Variants in DCP1B observed in about 807,000 individuals in gnomAD.
The protein encoded by DCP1B is mRNA-decapping enzyme 1B.
In DCP1B, 47 loss-of-function variants were observed where a neutral mutation model predicts 60.5. That is an observed-to-expected ratio of 0.78 (90% CI 0.61 to 0.99). DCP1B has a LOEUF of 0.99. Ranked by LOEUF, DCP1B falls within the 50% of genes least tolerant of loss-of-function variation. The pLI, the probability that DCP1B is intolerant of heterozygous loss-of-function variation, is 0.00. For missense variants in DCP1B, 725 were observed against 756.8 expected, an observed-to-expected ratio of 0.96 and a Z score of 0.49; for synonymous variants, 267 against 280.3, an observed-to-expected ratio of 0.95 and a Z score of 0.47.
downstream of DCP1B, among the ~76,000 whole-genome samples, chr12:1,943,123 A>C (rs1231060387): frequency 3.9e-5 from 6 of 152,286 alleles, no homozygotes; most frequent in East Asian, 9.6e-4. Context: ...ATATCACCAC[A>C]GATCCCACAG....
intron 7 of DCP1B, among the ~76,000 whole-genome samples, 190 bp from the exon 8 acceptor site, chr12:1,949,524 G>GT (rs1334424277): frequency 5.3e-5 from 8 of 152,192 alleles, no homozygotes; most frequent in Admixed American, 4.6e-4. Flanking sequence ...AGCAGCTCTG[G>GT]TATCGTCTGC....
At chr12:1,969,373 G>A (rs965409361) in intron 3 of DCP1B, among the ~76,000 whole-genome samples, 7 of 152,158 alleles carry the variant, frequency 4.6e-5, no homozygotes, top group Admixed American at 2.0e-4. Context: ...GGTGGCAATA[G>A]GGCTTTAAAC....
At chr12:1,994,515 C>T (rs181990012) in intron 2 of DCP1B, among the ~76,000 whole-genome samples, 1 of 152,100 alleles carries the variant, frequency 6.6e-6, no homozygotes, top group Non-Finnish European at 1.5e-5. Flanking sequence ...ACAATCAATA[C>T]CAGAAATAAT....
Position 1,962,796 on chromosome 12 carries a change from G to C in DCP1B, c.522+2762C>G, listed in dbSNP as rs1018431872. On this transcript the variant is annotated intron_variant, in intron 5 of 8. Transcript: ENST00000280665. The surrounding 1 kb of genome is among the most constrained non-coding windows in gnomAD (Gnocchi z 4.4). ...TTCATATTCCTTCCTTCACTCAATA[G>C]CCATTATTTAACACTCACCATGTGC... 1.3e-5 allele frequency among the ~76,000 whole-genome samples: 2 copies of C among 151,988 alleles called. No individual in the cohort carries two copies. Among genetic ancestry groups the C allele is most frequent in the African/African-American group, 4.8e-5 (2 of 41,370 alleles).
chr12:1,963,303 T>G lies in DCP1B; in HGVS notation c.522+2255A>C, dbSNP rs559380007. Among the ~76,000 whole-genome samples, 386 of 152,340 alleles carry G rather than the reference T, an allele frequency of 2.5e-3. 3 individuals are homozygous for G. The highest frequency in any genetic ancestry group is 8.7e-3 in the African/African-American group (362 of 41,572). On this transcript the variant is annotated intron_variant, in intron 5 of 8. Transcript: ENST00000280665. ...AGTCAATTATTTTAAGCAGAGTGTC[T>G]TTAAGTTCTATTATTCTCTCCACAC... is the stretch of plus-strand genomic sequence containing the variant.
chr12:1,957,524 A>T (rs1382518686), intron 5 of DCP1B, among the ~76,000 whole-genome samples: 2 of 152,240 alleles, frequency 1.3e-5, no homozygotes, highest in Non-Finnish European at 2.9e-5. Context: ...ACTCACAGCT[A>T]TATCCAGAAA....
At chr12:1,979,899 T>C (rs2035608730) in intron 3 of DCP1B, among the ~76,000 whole-genome samples, 3 of 152,198 alleles carry the variant, frequency 2.0e-5, no homozygotes, top group Non-Finnish European at 4.4e-5. Flanking sequence ...TCTGTTGTTA[T>C]GGTAAAATGC....
intron 3 of DCP1B, among the ~76,000 whole-genome samples, chr12:1,983,844 A>G (rs756514025): frequency 6.9e-6 from 1 of 145,732 alleles, no homozygotes; most frequent in Admixed American, 6.8e-5. Flanking sequence ...CTGCAGAATT[A>G]AAAAAAAAAC....
At chr12:2,002,299 T>C (rs545751797) in intron 1 of DCP1B, among the ~76,000 whole-genome samples, 1 of 152,340 alleles carries the variant, frequency 6.6e-6, no homozygotes, top group African/African-American at 2.4e-5. Flanking sequence ...CCATCCACAG[T>C]GACAGCACAT....
rs559735596 is a variant in DCP1B at position 1,954,146 on chromosome 12, C to T, written c.652-858G>A. Among the ~76,000 whole-genome samples the T allele has an allele frequency of 2.6e-5, 4 of 151,508 alleles. No homozygotes were observed. The South Asian group carries it at 6.3e-4, about 24-fold the overall frequency. The stretch of plus-strand genomic sequence containing the variant: ...GCAGTGAGCTGAGATGGTGCCACTG[C>T]ACTCCAGCCCGGGTAACAGGAATGA... On this transcript the variant is annotated intron_variant, in intron 6 of 8. Transcript: ENST00000280665.
chr12:1,972,016 G>T lies in DCP1B; in HGVS notation c.320-4106C>A, dbSNP rs537154171. On this transcript the variant is annotated intron_variant, in intron 3 of 8. Transcript: ENST00000280665. ...AATTACATGGGTAAAATTTAAATAGGCAGGACATCTGATTTGGTAATGTTC... is the reference window on the plus strand; with the variant it reads ...AATTACATGGGTAAAATTTAAATAGTCAGGACATCTGATTTGGTAATGTTC... Among the ~76,000 whole-genome samples the T allele has an allele frequency of 3.9e-5, 6 of 152,298 alleles. No individual in the cohort carries two copies. The South Asian group carries it at 1.2e-3, about 32-fold the overall frequency.
intron 3 of DCP1B, among the ~76,000 whole-genome samples, chr12:1,977,159 A>G (rs972657): frequency 0.12 from 17,511 of 152,220 alleles, 1,349 homozygotes; most frequent in Admixed American, 0.18. Context: ...AAGACGTAAC[A>G]AAGTCTCCAA....
chr12:1,974,326 G>C (rs2033586060), intron 3 of DCP1B, among the ~76,000 whole-genome samples: 1 of 152,066 alleles, frequency 6.6e-6, no homozygotes, highest in African/African-American at 2.4e-5. Flanking sequence ...CACCGCTTTT[G>C]TTCTCCTTCA....
intron 3 of DCP1B, chr12:1,970,991 A>G (rs955760151): frequency 9.8e-7 from 1 of 1,024,520 alleles, no homozygotes; most frequent in East Asian, 6.5e-5. Flanking sequence ...TTAAAAAATT[A>G]TAAGAGATCA....
intron 6 of DCP1B, 51 bp from the exon 7 acceptor site, chr12:1,953,339 T>C: frequency 6.6e-7 from 1 of 1,505,630 alleles, no homozygotes; most frequent in Non-Finnish European, 8.8e-7. Context: ...TTTGGTTATA[T>C]GAGGAAGTGC....
intron 3 of DCP1B, among the ~76,000 whole-genome samples, chr12:1,968,869 G>A (rs2154457250): frequency 6.6e-6 from 1 of 152,290 alleles, no homozygotes; most frequent in African/African-American, 2.4e-5. Context: ...TAATATACCT[G>A]CTATTGATTC....
intron 3 of DCP1B, among the ~76,000 whole-genome samples, chr12:1,986,958 A>G (rs535264205): frequency 7.9e-5 from 12 of 152,322 alleles, no homozygotes; most frequent in Middle Eastern, 3.4e-3. Flanking sequence ...GGGGTTATGA[A>G]ACATCCCAAG....
At chr12:1,999,067 T>C (rs1241119723) in intron 1 of DCP1B, among the ~76,000 whole-genome samples, 2 of 152,234 alleles carry the variant, frequency 1.3e-5, no homozygotes, top group Admixed American at 1.3e-4. Flanking sequence ...CAAAGTGTTA[T>C]CCCCAGATCA....
At chr12:1,960,297 C>A (rs1302997614) in intron 5 of DCP1B, among the ~76,000 whole-genome samples, 1 of 152,214 alleles carries the variant, frequency 6.6e-6, no homozygotes, top group African/African-American at 2.4e-5. Context: ...CACAGAAAGG[C>A]AAGTACTGCA....
Sources: gnomAD v4.1 joint callset for allele counts (sites outside exome capture counted in the v4.1 genomes callset) on GRCh38, gnomAD v4.1.1 for gene constraint, Gnocchi (gnomAD v3.1) non-coding constraint, MANE v1.5 for transcripts, NCBI Gene and HGNC (gene_info 2026-07-23, HGNC 2026-07-21) for gene names.